RNF150: variants seen among roughly 807,000 people sequenced by gnomAD.
RNF150 encodes ring finger protein 150.
A neutral mutation model predicts 39.3 loss-of-function variants in RNF150; 24 were observed. That is an observed-to-expected ratio of 0.61 (90% CI 0.44 to 0.86). The LOEUF (loss-of-function observed/expected upper bound fraction) is 0.86, where lower values mean the gene tolerates loss of function less well. RNF150 is among the 40% of genes least tolerant of loss of function. The probability of loss-of-function intolerance (pLI) is 0.00; values close to 1 mark genes in which losing one functional copy is unlikely to be tolerated. For synonymous variants in RNF150, 255 were observed against 227.3 expected (o/e 1.12, Z -1.10); for missense variants, 502 against 587.8 (o/e 0.85, Z 1.51).
At chr4:141,069,615 G>T (rs1231510128) in intron 1 of RNF150, among the ~76,000 whole-genome samples, 2 of 150,620 alleles carry the variant, frequency 1.3e-5, no homozygotes, top group Non-Finnish European at 3.0e-5. Flanking sequence ...CTATTGATTG[G>T]AATAGTTTCA....
intron 1 of RNF150, among the ~76,000 whole-genome samples, chr4:141,095,063 A>T (rs898828698): frequency 3.3e-5 from 5 of 152,250 alleles, no homozygotes; most frequent in African/African-American, 1.2e-4. Flanking sequence ...TAGAGCAAAT[A>T]AAAAGAATGA....
intron 1 of RNF150, among the ~76,000 whole-genome samples, chr4:141,047,012 C>T (rs1216148772): frequency 6.6e-6 from 1 of 152,064 alleles, no homozygotes; most frequent in African/African-American, 2.4e-5. Context: ...ACTTCTCAGG[C>T]TCACGAATAG....
chr4:141,022,781 C>T (rs915153283), intron 1 of RNF150, among the ~76,000 whole-genome samples: 2 of 152,106 alleles, frequency 1.3e-5, no homozygotes, highest in East Asian at 3.8e-4. Flanking sequence ...GCATATATGT[C>T]ATGTCCAAAC....
intron 6 of RNF150, 67 bp downstream of exon 6, chr4:140,911,076 AT>A: frequency 6.2e-6 from 8 of 1,299,712 alleles, no homozygotes; most frequent in South Asian, 2.5e-5. Context: ...GAGGAAAGGT[AT>A]TTTTTTCCAA....
intron 1 of RNF150, among the ~76,000 whole-genome samples, chr4:141,004,957 A>G (rs73860227): frequency 0.076 from 11,532 of 152,248 alleles, 489 homozygotes; most frequent in Middle Eastern, 0.16. Context: ...TCAACAAACA[A>G]CATGGGCAAA....
At chr4:141,197,998 C>T (rs1386655384) in intron 1 of RNF150, among the ~76,000 whole-genome samples, 1 of 151,642 alleles carries the variant, frequency 6.6e-6, no homozygotes, top group African/African-American at 2.4e-5. Flanking sequence ...TGCTTTTATT[C>T]ACTACGAACT....
intron 1 of RNF150, among the ~76,000 whole-genome samples, chr4:141,113,028 C>G (rs914926771): frequency 1.3e-5 from 2 of 151,884 alleles, no homozygotes; most frequent in African/African-American, 2.4e-5. Context: ...GCTATTGATA[C>G]TTGAGTATGT....
At chr4:141,203,835 A>G (rs888492358) in intron 1 of RNF150, among the ~76,000 whole-genome samples, 1 of 151,934 alleles carries the variant, frequency 6.6e-6, no homozygotes, top group Admixed American at 6.6e-5. Context: ...TGGTAAGGAG[A>G]GTAACAGAAA....
rs1487810180 is a variant in RNF150 at position 141,000,100 on chromosome 4, A to G, written c.485-32227T>C. 2.0e-4 allele frequency among the ~76,000 whole-genome samples: 27 copies of G among 136,658 alleles called. 2 individuals are homozygous for G. The highest frequency in any genetic ancestry group is 3.7e-4 in the Non-Finnish European group (23 of 61,708). 89.7% of individuals were successfully genotyped at this position (136,658 alleles called of 152,430 possible). ...AAGAAGAAGAAGGAGAAGAAGAAGA[A>G]GAAGAAGAGGAGGAAGAAGAAGAAG... On this transcript the variant is annotated intron_variant, in intron 1 of 6. Transcript: ENST00000515673.
chr4:141,093,551 G>A (rs1013516764), intron 1 of RNF150, among the ~76,000 whole-genome samples: 5 of 152,164 alleles, frequency 3.3e-5, no homozygotes, highest in Non-Finnish European at 5.9e-5. Flanking sequence ...CCCCACCACA[G>A]GCACAGATTT....
At chr4:140,957,770 A>G (rs1249394739) in intron 2 of RNF150, among the ~76,000 whole-genome samples, 1 of 152,008 alleles carries the variant, frequency 6.6e-6, no homozygotes, top group Admixed American at 6.5e-5. Context: ...TGAAATTGGA[A>G]ATCATCATTC....
At chr4:141,080,791 T>C (rs1019978265) in intron 1 of RNF150, among the ~76,000 whole-genome samples, 2 of 152,214 alleles carry the variant, frequency 1.3e-5, no homozygotes, top group African/African-American at 4.8e-5. Context: ...ATTAGGATTC[T>C]GGAGCTGCAC....
chr4:140,965,809 T>C (rs1201550838), intron 2 of RNF150, among the ~76,000 whole-genome samples: 4 of 152,058 alleles, frequency 2.6e-5, no homozygotes, highest in African/African-American at 4.8e-5. Flanking sequence ...TAGCAGAATG[T>C]ATCATGAGCA....
intron 1 of RNF150, among the ~76,000 whole-genome samples, chr4:141,141,473 G>T (rs1727116347): frequency 6.6e-6 from 1 of 152,172 alleles, no homozygotes. Flanking sequence ...ACAAGAACAG[G>T]TTTCCTCTCT....
At chr4:141,057,412 A>G (rs115050087) in intron 1 of RNF150, among the ~76,000 whole-genome samples, 1 of 152,048 alleles carries the variant, frequency 6.6e-6, no homozygotes, top group Non-Finnish European at 1.5e-5. Context: ...TTCTTTTAAA[A>G]AATTAAGTTT....
At chr4:141,028,487 C>T (rs150329463) in intron 1 of RNF150, among the ~76,000 whole-genome samples, 165 of 152,238 alleles carry the variant, frequency 1.1e-3, no homozygotes, top group Admixed American at 3.7e-3. Flanking sequence ...TTGCCATAAT[C>T]GTTATAGGCA....
At chr4:141,028,160 C>T (rs1467841649) in intron 1 of RNF150, among the ~76,000 whole-genome samples, 2 of 151,898 alleles carry the variant, frequency 1.3e-5, no homozygotes, top group East Asian at 1.9e-4. Flanking sequence ...CATATTACTG[C>T]GTAGAGCATT....
intron 1 of RNF150, among the ~76,000 whole-genome samples, chr4:141,006,068 C>CAAAA (rs370503215): frequency 1.7e-5 from 1 of 57,734 alleles, no homozygotes; most frequent in African/African-American, 6.5e-5. Flanking sequence ...GACTCCGTCT[C>CAAAA]AAAAAAAAAA....
In RNF150 at chr4:141,113,860, G is replaced by C. The variant is rs181407237; in HGVS notation, c.484+18465C>G. On this transcript the variant is annotated intron_variant, in intron 1 of 6. Coordinates refer to ENST00000515673, the MANE Select transcript of RNF150 (RefSeq NM_020724.2). ...CAATCAAATTAGAACTCAGGATTAA[G>C]AAATTCACTCAAAACTGCATAACTA... Among the ~76,000 whole-genome samples the C allele has an allele frequency of 2.0e-5, 3 of 152,306 alleles. No individual in the cohort carries two copies. The East Asian group carries it at 5.8e-4, about 29-fold the overall frequency.
Sources: gnomAD v4.1 joint callset for allele counts (sites outside exome capture counted in the v4.1 genomes callset) on GRCh38, gnomAD v4.1.1 for gene constraint, MANE v1.5 for transcripts, NCBI Gene and HGNC (gene_info 2026-07-23, HGNC 2026-07-21) for gene names.